The following RABGAP1L variants were observed in gnomAD, a reference collection of about 807,000 sequenced individuals.
RABGAP1L encodes the protein rab GTPase-activating protein 1-like.
Under a neutral mutation model 137.7 loss-of-function variants are expected in RABGAP1L, and 63 were observed. The ratio of observed to expected loss-of-function variants is 0.46; its 90% CI spans 0.37 to 0.56. RABGAP1L has a LOEUF of 0.56. Ranked by LOEUF, RABGAP1L falls within the 20% of genes least tolerant of loss-of-function variation. RABGAP1L has a pLI of 0.00. For missense variants in RABGAP1L, 1,095 were observed against 1,244.0 expected, an observed-to-expected ratio of 0.88 and a Z score of 1.80; for synonymous variants, 431 against 433.7, an observed-to-expected ratio of 0.99 and a Z score of 0.08.
At chr1:174,418,762 G>C (rs1466341345) in intron 13 of RABGAP1L, among the ~76,000 whole-genome samples, 1 of 152,110 alleles carries the variant, frequency 6.6e-6, no homozygotes, top group East Asian at 1.9e-4. Flanking sequence ...ATACAGTCTG[G>C]GTGCGGTGGC....
rs115335206 is a variant in RABGAP1L at position 174,962,203 on chromosome 1, C to A, written c.2433+4654C>A. Among the ~76,000 whole-genome samples, 29 of 137,708 alleles carry A rather than the reference C, an allele frequency of 2.1e-4. 6 individuals carry two copies. The highest frequency in any genetic ancestry group is 4.9e-4 in the African/African-American group (17 of 34,840). The allele number at this position is 137,708 out of a possible 152,430, so 90.3% of individuals were successfully genotyped here. ...AAATAAAAATAAAAATACACCCCCC[C>A]CCCACACACACACACAGCTAGTTAA... On this transcript the variant is annotated intron_variant, in intron 20 of 25. Coordinates refer to ENST00000681986, the MANE Select transcript of RABGAP1L (RefSeq NM_001366446.1).
At chr1:174,613,730 T>G (rs578169460) in intron 13 of RABGAP1L, among the ~76,000 whole-genome samples, 1 of 152,334 alleles carries the variant, frequency 6.6e-6, no homozygotes, top group South Asian at 2.1e-4. Flanking sequence ...GCATTATGAA[T>G]CTGGGTGCTC....
chr1:174,639,865 T>C (rs1333697035), intron 14 of RABGAP1L, among the ~76,000 whole-genome samples: 2 of 152,176 alleles, frequency 1.3e-5, no homozygotes, highest in Non-Finnish European at 2.9e-5. Flanking sequence ...AAAATACTCA[T>C]CAGTACATTC....
At chr1:174,984,327 T>C (rs997391926) in intron 24 of RABGAP1L, among the ~76,000 whole-genome samples, 8 of 152,246 alleles carry the variant, frequency 5.3e-5, no homozygotes, top group Non-Finnish European at 1.0e-4. Context: ...GCATATACTA[T>C]GTGCATAGCT....
At chr1:174,878,213 C>T (rs1361588477) in intron 19 of RABGAP1L, among the ~76,000 whole-genome samples, 2 of 152,068 alleles carry the variant, frequency 1.3e-5, no homozygotes, top group East Asian at 3.8e-4. Flanking sequence ...AAGATATCAA[C>T]GATCTATACC....
rs941133567 is a variant in RABGAP1L at position 174,502,780 on chromosome 1, G to C, written c.1710+108635G>C. Among the ~76,000 whole-genome samples the C allele has an allele frequency of 2.0e-5, 3 of 151,616 alleles. No homozygotes were observed. The South Asian group carries it at 6.2e-4, about 32-fold the overall frequency. ...TTCCAGAAATTCTTTCAGAGAATAT[G>C]AGATGAATTAGTGAAACTTTTCAAA... On this transcript the variant is annotated intron_variant, in intron 13 of 25. Transcript: ENST00000681986.
At chr1:174,180,630 A>G (rs567782963) in intron 1 of RABGAP1L, among the ~76,000 whole-genome samples, 1 of 152,030 alleles carries the variant, frequency 6.6e-6, no homozygotes, top group Admixed American at 6.6e-5. Flanking sequence ...ACGCCTGGCT[A>G]ATTTTTTATA....
At chr1:174,933,414 G>A (rs1383597253) in intron 19 of RABGAP1L, among the ~76,000 whole-genome samples, 1 of 152,002 alleles carries the variant, frequency 6.6e-6, no homozygotes, top group Non-Finnish European at 1.5e-5. Context: ...CCCTTATTAC[G>A]ATGCTTGGGC....
chr1:174,629,543 T>C (rs1431462671), intron 13 of RABGAP1L, among the ~76,000 whole-genome samples: 1 of 150,872 alleles, frequency 6.6e-6, no homozygotes, highest in Non-Finnish European at 1.5e-5. Context: ...TTTTAATTAA[T>C]TTTTTTTTTG....
intron 19 of RABGAP1L, among the ~76,000 whole-genome samples, chr1:174,842,851 T>C (rs1693564498): frequency 6.6e-6 from 1 of 152,212 alleles, no homozygotes; most frequent in African/African-American, 2.4e-5. Flanking sequence ...TCATTTACCA[T>C]CATTTTCTTA....
intron 19 of RABGAP1L, among the ~76,000 whole-genome samples, chr1:174,842,922 G>T (rs75476292): frequency 1.3e-5 from 2 of 151,002 alleles, no homozygotes; most frequent in African/African-American, 4.9e-5. Context: ...TTACTTTTTC[G>T]AAAGTTTCTA....
chr1:174,406,677 T>TA (rs5778804), intron 13 of RABGAP1L, among the ~76,000 whole-genome samples: 2 of 152,018 alleles, frequency 1.3e-5, no homozygotes, highest in African/African-American at 4.8e-5. Context: ...GGCTCATGCT[T>TA]TAATCTCAAT....
At chr1:174,344,002 C>A (rs961928906) in intron 11 of RABGAP1L, among the ~76,000 whole-genome samples, 1 of 152,174 alleles carries the variant, frequency 6.6e-6, no homozygotes, top group African/African-American at 2.4e-5. Flanking sequence ...CCTGTTTCAT[C>A]CCTGACTGAC....
chr1:174,968,216 A>G (rs1669813009), intron 20 of RABGAP1L, among the ~76,000 whole-genome samples: 1 of 152,150 alleles, frequency 6.6e-6, no homozygotes. Flanking sequence ...CAAAACATAT[A>G]TTTGTCTTCT....
At chr1:174,921,724 T>A (rs551659875) in intron 19 of RABGAP1L, among the ~76,000 whole-genome samples, 1 of 152,362 alleles carries the variant, frequency 6.6e-6, no homozygotes, top group East Asian at 1.9e-4. Flanking sequence ...CATGTAGCAT[T>A]TACCTTCTGA....
intron 7 of RABGAP1L, 58 bp downstream of exon 7, chr1:174,252,648 A>G: frequency 6.4e-7 from 1 of 1,571,750 alleles, no homozygotes; most frequent in Middle Eastern, 1.7e-4. Context: ...TTACTGTCTC[A>G]GATGCATTGC....
chr1:174,793,998 A>G (rs1388644187), intron 18 of RABGAP1L, among the ~76,000 whole-genome samples: 2 of 152,088 alleles, frequency 1.3e-5, no homozygotes, highest in Non-Finnish European at 2.9e-5. Flanking sequence ...TGCCCGGCCC[A>G]GAATCAAGAC....
intron 20 of RABGAP1L, among the ~76,000 whole-genome samples, chr1:174,960,016 G>A (rs555725861): frequency 3.3e-5 from 5 of 152,284 alleles, no homozygotes; most frequent in South Asian, 2.1e-4. Context: ...CCCAGTTAAT[G>A]TAAACTCTTA....
intron 18 of RABGAP1L, among the ~76,000 whole-genome samples, chr1:174,799,349 T>G (rs1392197471): frequency 6.6e-6 from 1 of 152,220 alleles, no homozygotes; most frequent in Non-Finnish European, 1.5e-5. Context: ...CTGTCCATAC[T>G]CTATCATTTT....
Sources: allele counts gnomAD v4.1 joint callset (sites outside exome capture counted in the v4.1 genomes callset), GRCh38; gene constraint gnomAD v4.1.1; transcripts MANE v1.5; gene names NCBI Gene and HGNC (gene_info 2026-07-23, HGNC 2026-07-21).